DST: variants seen among roughly 807,000 people sequenced by gnomAD.
The protein encoded by DST is dystonin.
Under a neutral mutation model 875.2 loss-of-function variants are expected in DST, and 253 were observed. The observed-to-expected ratio is 0.29, with a 90% CI of 0.26 to 0.32. The LOEUF (loss-of-function observed/expected upper bound fraction) is 0.32, where lower values mean the gene tolerates loss of function less well. Among genes scored for constraint, DST ranks in the 10% least tolerant of loss-of-function variants. The probability of loss-of-function intolerance (pLI) is 1.00; values close to 1 mark genes in which losing one functional copy is unlikely to be tolerated. For missense variants in DST, 8,287 were observed against 9,111.6 expected (o/e 0.91, Z 3.68); for synonymous variants, 3,124 against 3,197.1 (o/e 0.98, Z 0.77).
intron 5 of DST, among the ~76,000 whole-genome samples, chr6:56,713,835 G>A (rs569698028): frequency 5.3e-5 from 8 of 152,244 alleles, no homozygotes; most frequent in African/African-American, 1.7e-4. Flanking sequence ...AGGCTTTGAC[G>A]ATACTCTGAT....
chr6:56,812,674 G>A (rs2099761833), intron 4 of DST, among the ~76,000 whole-genome samples: 1 of 152,172 alleles, frequency 6.6e-6, no homozygotes, highest in Non-Finnish European at 1.5e-5. Context: ...AAACAGTCTT[G>A]AATATCAAAC....
intron 4 of DST, among the ~76,000 whole-genome samples, chr6:56,833,706 T>C (rs773007537): frequency 6.6e-6 from 1 of 151,848 alleles, no homozygotes; most frequent in Non-Finnish European, 1.5e-5. Context: ...ATAACACACA[T>C]AGCTAAAACA....
At position 56,954,812 on chromosome 6, in the gene DST, A is replaced by T. The variant is rs1402231256; in HGVS notation, c.-225T>A. Among the ~76,000 whole-genome samples, 1 of 149,752 alleles carries T rather than the reference A, an allele frequency of 6.7e-6. No homozygotes were observed. The highest frequency in any genetic ancestry group is 1.5e-5 in the Non-Finnish European group (1 of 67,000). Reference sequence around the variant, plus strand: ...GAGCGCTTGCCATGACTCAGCAGACAGCGACGAGGCTGCGACTCGGCGGCT... The same window carrying T: ...GAGCGCTTGCCATGACTCAGCAGACTGCGACGAGGCTGCGACTCGGCGGCT... On this transcript the variant is annotated 5_prime_UTR_variant, in exon 1 of 104. Transcript: ENST00000680361.
In DST at chr6:56,557,375, G is replaced by T; in HGVS notation, c.14584C>A (p.Leu4862Ile). Residue 4862 changes from leucine (L) to isoleucine (I), a missense_variant, in exon 59 of 104, where the codon CTT (leucine) becomes ATT (isoleucine). Transcript: ENST00000680361. ...TTTGGGTCAATTGACAAGGGCCCAA[G>T]AACACTGACCATAAGTTCTTTTTCC... ...LVEKELMVSV[L>I]GPLSIDPNML... 1 of 1,613,716 alleles carries T rather than the reference G, an allele frequency of 6.2e-7. No individual in the cohort carries two copies. Among genetic ancestry groups the T allele is most frequent in the Non-Finnish European group, 8.5e-7 (1 of 1,179,702 alleles).
chr6:56,881,894 A>C (rs1354247637), intron 3 of DST, among the ~76,000 whole-genome samples: 1 of 152,222 alleles, frequency 6.6e-6, no homozygotes, highest in African/African-American at 2.4e-5. Context: ...AGAGACCAAA[A>C]AAAGCACCAA....
chr6:56,893,349 C>G (rs889409802), intron 3 of DST, among the ~76,000 whole-genome samples: 1 of 152,180 alleles, frequency 6.6e-6, no homozygotes, highest in Admixed American at 6.5e-5. Flanking sequence ...CTTTTTATGG[C>G]TGAGTAGTAT....
chr6:56,616,392 T>C lies in DST; in HGVS notation c.4930-1908A>G, dbSNP rs563665079. The C allele has an allele frequency of 8.8e-5, 142 of 1,613,878 alleles. 3 individuals carry two copies. The South Asian group carries it at 1.5e-3, about 17-fold the overall frequency. On this transcript the variant is annotated intron_variant, in intron 36 of 103. Coordinates refer to ENST00000680361, the MANE Select transcript of DST (RefSeq NM_001374736.1). ...AGATATATACTTTTCTCAATCAGGT[T>C]TCTCTGGAAAGCCTCATACACGGTC...
At chr6:56,625,056 T>C in intron 35 of DST, 101 bp downstream of exon 35, 1 of 837,738 alleles carries the variant, frequency 1.2e-6, no homozygotes, top group Non-Finnish European at 2.0e-6. Context: ...AAATAGTAAG[T>C]TTTATACTAT....
At chr6:56,627,110 A>C (rs2098741746) in intron 34 of DST, 94 bp downstream of exon 34, 1 of 968,244 alleles carries the variant, frequency 1.0e-6, no homozygotes, top group African/African-American at 1.6e-5. Context: ...GATTCTTTTA[A>C]ACACTGAGTG....
chr6:56,668,762 C>A (rs2099084788), intron 10 of DST, among the ~76,000 whole-genome samples: 3 of 151,566 alleles, frequency 2.0e-5, no homozygotes, highest in African/African-American at 7.3e-5. Context: ...GAACAAAATT[C>A]CGTCTCAAAA....
chr6:56,460,283 A>C, intron 102 of DST, 29 bp from the exon 103 acceptor site: 1 of 1,613,430 alleles, frequency 6.2e-7, no homozygotes, highest in Non-Finnish European at 8.5e-7. Flanking sequence ...AAGACATTTC[A>C]AAATATTGCT....
intron 10 of DST, among the ~76,000 whole-genome samples, chr6:56,662,291 C>A (rs1283547768): frequency 6.6e-6 from 1 of 152,202 alleles, no homozygotes; most frequent in Non-Finnish European, 1.5e-5. Flanking sequence ...ATTCCACTTC[C>A]AGGACCTTAT....
Position 56,703,755 on chromosome 6 carries a change from T to C in DST, c.778-9A>G. 1 of 965,044 alleles carries C rather than the reference T, an allele frequency of 1.0e-6. No individual in the cohort carries two copies. 59.8% of individuals were successfully genotyped at this position (965,044 alleles called of 1,614,324 possible). ...AAATCTCGCTCCCTTGGCTAATGAA[T>C]ATAACAGACAGAAGATAGGACAGCA... On this transcript the variant is annotated splice_polypyrimidine_tract_variant and intron_variant, in intron 6 of 103. Coordinates refer to ENST00000680361, the MANE Select transcript of DST (RefSeq NM_001374736.1).
intron 13 of DST, among the ~76,000 whole-genome samples, chr6:56,647,207 T>C (rs990520345): frequency 1.3e-5 from 2 of 152,240 alleles, no homozygotes; most frequent in Non-Finnish European, 2.9e-5. Flanking sequence ...TTTCAGGACG[T>C]CTGTTGGTCA....
At chr6:56,685,066 C>G (rs566267543) in intron 9 of DST, among the ~76,000 whole-genome samples, 1 of 138,130 alleles carries the variant, frequency 7.2e-6, no homozygotes, top group Non-Finnish European at 1.5e-5. Context: ...CAGAGTTACT[C>G]TCAATAACGC....
chr6:56,665,564 G>C (rs546815119), intron 10 of DST, among the ~76,000 whole-genome samples: 1 of 152,122 alleles, frequency 6.6e-6, no homozygotes, highest in South Asian at 2.1e-4. Flanking sequence ...TGAGAATTCA[G>C]AGCAACCACC....
At chr6:56,597,608 T>A in intron 47 of DST, 132 bp downstream of exon 47, 3 of 825,376 alleles carry the variant, frequency 3.6e-6, no homozygotes, top group South Asian at 5.0e-5. Flanking sequence ...ATAATTTATA[T>A]CTGACATGAT....
At chr6:56,459,845 G>C (rs775528643) in intron 103 of DST, among the ~76,000 whole-genome samples, 1 of 152,156 alleles carries the variant, frequency 6.6e-6, no homozygotes, top group Non-Finnish European at 1.5e-5. Context: ...CTGTGCAATC[G>C]CTGAGCTGGC....
intron 82 of DST, among the ~76,000 whole-genome samples, chr6:56,496,552 T>C (rs1245218427): frequency 6.6e-6 from 1 of 152,004 alleles, no homozygotes; most frequent in African/African-American, 2.4e-5. Context: ...CTTATAACAA[T>C]AATTTTAAGT....
Sources: allele counts gnomAD v4.1 joint callset (sites outside exome capture counted in the v4.1 genomes callset), GRCh38; gene constraint gnomAD v4.1.1; transcripts MANE v1.5; gene names NCBI Gene and HGNC (gene_info 2026-07-23, HGNC 2026-07-21).